The following RC3H2 variants were observed in gnomAD, a reference collection of about 807,000 sequenced individuals.
RC3H2 encodes the protein roquin-2.
RC3H2 carries 31 observed loss-of-function variants against 133.3 expected under a neutral mutation model. The observed-to-expected ratio is 0.23, with a 90% CI of 0.17 to 0.31. The LOEUF (loss-of-function observed/expected upper bound fraction) is 0.31. RC3H2 is among the 10% of genes least tolerant of loss of function. The pLI, the probability that RC3H2 is intolerant of heterozygous loss-of-function variation, is 1.00. For missense variants in RC3H2, 1,175 were observed against 1,437.2 expected (o/e 0.82, Z 2.95); for synonymous variants, 517 against 502.2 (o/e 1.03, Z -0.40).
intron 1 of RC3H2, among the ~76,000 whole-genome samples, chr9:122,903,823 G>A (rs990885510): frequency 6.6e-6 from 1 of 152,200 alleles, no homozygotes; most frequent in Admixed American, 6.5e-5. Context: ...TTCAAAAATT[G>A]AACGTGGAAG....
chr9:122,857,190 G>A (rs969249248), intron 13 of RC3H2, among the ~76,000 whole-genome samples: 1 of 152,130 alleles, frequency 6.6e-6, no homozygotes, highest in African/African-American at 2.4e-5. Context: ...ACTTGTATAT[G>A]TTTGAAATTT....
chr9:122,855,104 C>T, intron 15 of RC3H2, 80 bp downstream of exon 15: 1 of 1,117,200 alleles, frequency 9.0e-7, no homozygotes, highest in Non-Finnish European at 1.3e-6. Context: ...CAGAGTGAGA[C>T]TCTGTCTCAA....
intron 9 of RC3H2, among the ~76,000 whole-genome samples, 195 bp from the exon 10 acceptor site, chr9:122,865,852 T>C (rs937523752): frequency 6.6e-6 from 1 of 152,230 alleles, no homozygotes; most frequent in African/African-American, 2.4e-5. Flanking sequence ...ATATATGCCA[T>C]TCACATATAA....
chr9:122,853,452 T>TA (rs1165383626), intron 18 of RC3H2, among the ~76,000 whole-genome samples: 3 of 148,064 alleles, frequency 2.0e-5, no homozygotes, highest in Admixed American at 6.7e-5. Flanking sequence ...TAAATTAAAG[T>TA]AAAAAATCCC....
rs777588729 is a variant in RC3H2, at chr9:122,860,150, A to G, written c.1635-19T>C. Reference sequence around the variant, plus strand: ...AATTTTACTGGAGAGAAAATTTAACAAAGGGCAAAGGAGAAATCACTGTCT... The same window carrying G: ...AATTTTACTGGAGAGAAAATTTAACGAAGGGCAAAGGAGAAATCACTGTCT... On this transcript the variant is annotated intron_variant, in intron 10 of 20. Coordinates refer to ENST00000357244, the MANE Select transcript of RC3H2 (RefSeq NM_001100588.3). 1 of 1,573,148 alleles carries G rather than the reference A, an allele frequency of 6.4e-7. No individual in the cohort carries two copies. The highest frequency in any genetic ancestry group is 2.2e-5 in the East Asian group (1 of 44,652).
chr9:122,877,552 A>G lies in RC3H2; in HGVS notation c.1244T>C (p.Met415Thr). Reference sequence around the variant, plus strand: ...CCCTTGCTGTCGCAAATCTCGGCACATGCTAGTCTTGTATTTGCTGTTTGG... The same window carrying G: ...CCCTTGCTGTCGCAAATCTCGGCACGTGCTAGTCTTGTATTTGCTGTTTGG... The part of the protein sequence containing the change: ...PQPNSKYKTS[M>T]CRDLRQQGGC... Residue 415 changes from methionine (M) to threonine (T), a missense_variant, in exon 9 of 21, where the codon ATG becomes ACG. By Grantham distance (81) the Met-to-Thr change is moderately conservative. Coordinates refer to ENST00000357244, the MANE Select transcript of RC3H2 (RefSeq NM_001100588.3). 1 of 1,614,184 alleles carries G rather than the reference A, an allele frequency of 6.2e-7. No individual in the cohort carries two copies. The highest frequency in any genetic ancestry group is 8.5e-7 in the Non-Finnish European group (1 of 1,179,992).
intron 15 of RC3H2, 138 bp downstream of exon 15, chr9:122,855,046 G>A: frequency 1.5e-6 from 1 of 665,978 alleles, no homozygotes; most frequent in Non-Finnish European, 2.5e-6. Flanking sequence ...ACCCAGGATG[G>A]AGGTTGCAGT....
At chr9:122,882,085 T>C (rs897235556) in intron 5 of RC3H2, among the ~76,000 whole-genome samples, 4 of 152,130 alleles carry the variant, frequency 2.6e-5, no homozygotes, top group African/African-American at 9.7e-5. Context: ...CAAAAGTCTG[T>C]TGCTTTAAAA....
At chr9:122,890,972 A>G (rs1055096650) in intron 3 of RC3H2, among the ~76,000 whole-genome samples, 9 of 151,006 alleles carry the variant, frequency 6.0e-5, no homozygotes, top group African/African-American at 2.2e-4. Flanking sequence ...TAAAATACAA[A>G]TATTTTCATT....
In RC3H2 at chr9:122,858,745, T is replaced by C. The variant is rs753070488; in HGVS notation, c.2207A>G (p.Tyr736Cys). Reference protein sequence around the residue: ...SVYQTSLRERYNSLDGYYSVA... With the variant: ...SVYQTSLRERCNSLDGYYSVA... ...CGAATAATATCCATCTAATGAGTTA[T>C]ATCTTTCCCGCAAAGATGTCTGATA... is the stretch of plus-strand genomic sequence containing the variant. The change falls in exon 12 of 21, where the codon TAT (tyrosine) becomes TGT (cysteine). Residue 736 changes from tyrosine (Y) to cysteine (C), a missense_variant. Tyr to Cys is a radical substitution (Grantham distance 194, BLOSUM62 -2). Around this residue, in one of 8 missense-constraint regions of RC3H2, gnomAD observed 490 missense variants for 492.8 expected, o/e 0.99. Coordinates refer to ENST00000357244, the MANE Select transcript of RC3H2 (RefSeq NM_001100588.3). The C allele has an allele frequency of 1.2e-6, 2 of 1,614,188 alleles. No individual in the cohort carries two copies. Among genetic ancestry groups the C allele is most frequent in the Admixed American group, 1.7e-5 (1 of 60,028 alleles).
At chr9:122,901,472 T>C (rs1832643417) in intron 1 of RC3H2, among the ~76,000 whole-genome samples, 1 of 152,192 alleles carries the variant, frequency 6.6e-6, no homozygotes, top group African/African-American at 2.4e-5. Flanking sequence ...ACTGCTATAA[T>C]ATGTGATTTT....
At chr9:122,872,746 G>A (rs1015237156) in intron 9 of RC3H2, among the ~76,000 whole-genome samples, 2 of 152,094 alleles carry the variant, frequency 1.3e-5, no homozygotes, top group African/African-American at 4.8e-5. Context: ...CACCATGCCC[G>A]GCTAATTTTT....
intron 1 of RC3H2, 152 bp from the exon 2 acceptor site, chr9:122,897,728 G>A (rs1460472802): frequency 3.7e-6 from 2 of 545,488 alleles, no homozygotes; most frequent in African/African-American, 3.8e-5. Flanking sequence ...CCTATTTGCT[G>A]AATTAATTAC....
intron 9 of RC3H2, among the ~76,000 whole-genome samples, chr9:122,866,220 T>C (rs1830646902): frequency 6.6e-6 from 1 of 152,264 alleles, no homozygotes. Flanking sequence ...AGTTTATACC[T>C]AAAGTTAAAA....
intron 4 of RC3H2, 94 bp downstream of exon 4, chr9:122,890,218 G>A (rs1314823544): frequency 2.4e-6 from 2 of 844,678 alleles, no homozygotes; most frequent in Admixed American, 4.0e-5. Context: ...TACATATAAA[G>A]ACGGGTTGAG....
At chr9:122,865,777 T>C in intron 9 of RC3H2, 120 bp from the exon 10 acceptor site, 1 of 774,380 alleles carries the variant, frequency 1.3e-6, no homozygotes, top group South Asian at 1.8e-5. Context: ...ACAAAAAGTT[T>C]CTTCAGCTAA....
At position 122,859,037 on chromosome 9, in the gene RC3H2, A is replaced by G. The variant is rs1332275265; in HGVS notation, c.1915T>C (p.Ser639Pro). The change falls in exon 12 of 21, where the codon TCC (serine) becomes CCC (proline). Residue 639 changes from serine (S) to proline (P), a missense_variant. Transcript: ENST00000357244. ...AGGGAGGACTCTGGAACGTTATTGG[A>G]CCTCACAAAGCGAGGAACACAGGGA... ...VAPCVPRFVR[S>P]NNVPESSLPP... 1 of 1,611,596 alleles carries G rather than the reference A, an allele frequency of 6.2e-7. No individual in the cohort carries two copies. Among genetic ancestry groups the G allele is most frequent in the South Asian group, 1.1e-5 (1 of 90,852 alleles).
rs116157662 is a variant in RC3H2, at chr9:122,880,945, A to G, written c.760-151T>C. The G allele has an allele frequency of 5.9e-4, 368 of 624,824 alleles. No homozygotes were observed. The African/African-American group carries it at 6.0e-3, about 10-fold the overall frequency. The allele number at this position is 624,824 out of a possible 1,614,324, so 38.7% of individuals were successfully genotyped here. ...AAGATAAGATAATGTCCTGACCACA[A>G]ATTCTTTCTGGAACAAAACAGAACT... On this transcript the variant is annotated intron_variant, in intron 5 of 20. Coordinates refer to ENST00000357244, the MANE Select transcript of RC3H2 (RefSeq NM_001100588.3).
At chr9:122,851,588 A>G (rs1034618278) in intron 18 of RC3H2, 152 bp from the exon 19 acceptor site, 22 of 998,552 alleles carry the variant, frequency 2.2e-5, no homozygotes, top group African/African-American at 4.9e-5. Context: ...GCTCACTGCA[A>G]CCTCCCTGCC....
Sources: gnomAD v4.1 joint callset for allele counts (sites outside exome capture counted in the v4.1 genomes callset) on GRCh38, gnomAD v4.1.1 for gene constraint, gnomAD v4.1.1 regional missense constraint, MANE v1.5 for transcripts, NCBI Gene and HGNC (gene_info 2026-07-23, HGNC 2026-07-21) for gene names.